Variants in SEZ6L2 observed in about 807,000 individuals in gnomAD.
SEZ6L2 encodes the protein seizure 6-like protein 2.
Under a neutral mutation model 97.0 loss-of-function variants are expected in SEZ6L2, and 44 were observed. That is an observed-to-expected ratio of 0.45 (90% CI 0.36 to 0.58). The LOEUF is 0.58. SEZ6L2 is among the 20% of genes least tolerant of loss of function. The pLI, the probability that SEZ6L2 is intolerant of heterozygous loss-of-function variation, is 0.00. For synonymous variants in SEZ6L2, 543 were observed against 546.1 expected, an observed-to-expected ratio of 0.99 and a Z score of 0.08; for missense variants, 1,086 against 1,233.3, an observed-to-expected ratio of 0.88 and a Z score of 1.79.
chr16:29,881,620 CTTTTTTTTT>C (rs59318540), intron 8 of SEZ6L2, among the ~76,000 whole-genome samples: 2 of 85,120 alleles, frequency 2.3e-5, no homozygotes, highest in Non-Finnish European at 2.1e-5. Flanking sequence ...ATGAGGAATT[CTTTTTTTTT>C]TTTTTTTTTT....
intron 5 of SEZ6L2, among the ~76,000 whole-genome samples, chr16:29,889,257 A>G (rs2068217088): frequency 6.6e-6 from 1 of 152,088 alleles, no homozygotes; most frequent in African/African-American, 2.4e-5. Flanking sequence ...CCTGGCCAAC[A>G]TGGTAAAACC....
At chr16:29,875,121 C>T (rs758731169) in intron 12 of SEZ6L2, among the ~76,000 whole-genome samples, 6 of 152,166 alleles carry the variant, frequency 3.9e-5, no homozygotes, top group Non-Finnish European at 7.3e-5. Context: ...GTGATCCTCC[C>T]ACCTTGGCCT....
chr16:29,896,696 T>A, intron 3 of SEZ6L2, 126 bp downstream of exon 3: 1 of 752,948 alleles, frequency 1.3e-6, no homozygotes, highest in Non-Finnish European at 2.2e-6. Flanking sequence ...AATGCTACCT[T>A]TGTTATTATT....
chr16:29,884,612 A>T (rs1175853980), intron 8 of SEZ6L2, among the ~76,000 whole-genome samples: 1 of 151,594 alleles, frequency 6.6e-6, no homozygotes, highest in Non-Finnish European at 1.5e-5. Context: ...AATAAATAAA[A>T]ATAAATAAAA....
At position 29,872,256 on chromosome 16, in the gene SEZ6L2, G is replaced by A. The variant is rs777333248; in HGVS notation, c.2673C>T (p.Phe891=). The A allele has an allele frequency of 1.9e-5, 31 of 1,612,382 alleles. No individual in the cohort carries two copies. Among genetic ancestry groups the A allele is most frequent in the African/African-American group, 1.3e-5 (1 of 74,848 alleles). ...TGGGGCTGTAGGAGTGGGAGCCCGA[G>A]AAGCCGAAAAGGGACTTTCCCTGAA... The part of the protein sequence containing the change: ...TKLQGKSLFG[F]SGSHSYSPIT... The change falls in exon 17 of 18, where the codon TTC becomes TTT. Residue 891 remains phenylalanine (F), a synonymous_variant. Transcript: ENST00000617533.
intron 8 of SEZ6L2, 27 bp downstream of exon 8, chr16:29,885,559 G>T (rs771233685): frequency 1.2e-6 from 2 of 1,603,176 alleles, no homozygotes; most frequent in East Asian, 2.2e-5. Flanking sequence ...TGGCGGTTGG[G>T]GTCCTGTGGG....
In SEZ6L2 at chr16:29,885,467, T is replaced by C; in HGVS notation, c.1372+119A>G. The C allele has an allele frequency of 2.7e-6, 3 of 1,130,366 alleles. No homozygotes were observed. The Admixed American group carries it at 6.4e-5, about 24-fold the overall frequency. 70.0% of individuals were successfully genotyped at this position (1,130,366 alleles called of 1,614,324 possible). ...TTTTGGGGCAGGGAAGCGAGTCACG[T>C]TTCAAGGAACCCAGCACGGAGATGA... On this transcript the variant is annotated intron_variant, in intron 8 of 17. Transcript: ENST00000617533.
Position 29,877,484 on chromosome 16 carries a change from C to G in SEZ6L2, c.1713-17G>C, listed in dbSNP as rs372027812. ...ACATTCAATCTGCAGGGGGTGAGAC[C>G]AGGCAATGGGGCGGGGCTGCGACTG... On this transcript the variant is annotated splice_polypyrimidine_tract_variant and intron_variant, in intron 10 of 17. Coordinates refer to ENST00000617533, the MANE Select transcript of SEZ6L2 (RefSeq NM_001243332.2). The G allele has an allele frequency of 2.4e-4, 382 of 1,563,214 alleles. No individual in the cohort carries two copies. The highest frequency in any genetic ancestry group is 3.2e-4 in the Non-Finnish European group (372 of 1,153,358).
chr16:29,885,549 T>G (rs753214195), intron 8 of SEZ6L2, 37 bp downstream of exon 8: 7 of 1,596,782 alleles, frequency 4.4e-6, no homozygotes, highest in Middle Eastern at 1.7e-4. Flanking sequence ...GGGGAAGGTG[T>G]GGCGGTTGGG....
intron 7 of SEZ6L2, among the ~76,000 whole-genome samples, chr16:29,886,300 T>G (rs1596978784): frequency 6.6e-6 from 1 of 150,774 alleles, no homozygotes; most frequent in Non-Finnish European, 1.5e-5. Flanking sequence ...ATCTGGGAGG[T>G]GGAGGTTGCA....
intron 8 of SEZ6L2, among the ~76,000 whole-genome samples, chr16:29,880,665 T>A (rs1451797375): frequency 6.6e-6 from 1 of 151,548 alleles, no homozygotes; most frequent in East Asian, 2.0e-4. Flanking sequence ...CCATGTCGGC[T>A]AGGCTGGTCT....
rs556381122 is a variant in SEZ6L2, at chr16:29,873,037, C to T, written c.2488+203G>A. On this transcript the variant is annotated intron_variant, in intron 14 of 17. Coordinates refer to ENST00000617533, the MANE Select transcript of SEZ6L2 (RefSeq NM_001243332.2). The surrounding 1 kb of genome is among the most constrained non-coding windows in gnomAD (Gnocchi z 4.3). Reference sequence around the variant, plus strand: ...GAGCAAGGGACTTCCAAGCCAAGGCCCCCTCTACTACACCCCTGAGCCAAT... The same window carrying T: ...GAGCAAGGGACTTCCAAGCCAAGGCTCCCTCTACTACACCCCTGAGCCAAT... Among the ~76,000 whole-genome samples, 6 of 152,324 alleles carry T rather than the reference C, an allele frequency of 3.9e-5. No homozygotes were observed. The highest frequency in any genetic ancestry group is 3.9e-4 in the Admixed American group (6 of 15,302).
intron 5 of SEZ6L2, among the ~76,000 whole-genome samples, chr16:29,891,149 T>C (rs915558601): frequency 2.0e-5 from 3 of 151,674 alleles, no homozygotes; most frequent in Non-Finnish European, 4.4e-5. Context: ...ACCATGTTGG[T>C]CAGGCTGGTC....
Position 29,888,554 on chromosome 16 carries a change from G to A in SEZ6L2, c.1025C>T (p.Thr342Ile). The change falls in exon 6 of 18, where the codon ACC becomes ATC. Residue 342 changes from threonine (T) to isoleucine (I), a missense_variant. Transcript: ENST00000617533. ...NGTRPSWNGE[T>I]PSCMASCGGT... ...AGGAGACTCACCCATGCAGCTGGGG[G>A]TTTCACCGTTCCAGGATGGCCGGGT... 1.2e-6 allele frequency: 2 copies of A among 1,613,800 alleles called. No homozygotes were observed. The highest frequency in any genetic ancestry group is 1.7e-6 in the Non-Finnish European group (2 of 1,179,836).
intron 5 of SEZ6L2, among the ~76,000 whole-genome samples, chr16:29,890,781 C>T (rs1216274988): frequency 7.8e-6 from 1 of 127,728 alleles, no homozygotes; most frequent in African/African-American, 3.0e-5. Context: ...GAGGGTCTCA[C>T]TCTGTCACCC....
In SEZ6L2 at chr16:29,876,971, G is replaced by A; in HGVS notation, c.1910-21C>T. 6.3e-7 allele frequency: 1 copy of A among 1,581,974 alleles called. No individual in the cohort carries two copies. Among genetic ancestry groups the A allele is most frequent in the South Asian group, 1.1e-5 (1 of 89,930 alleles). On this transcript the variant is annotated intron_variant, in intron 11 of 17. Transcript: ENST00000617533. The surrounding 1 kb of genome is among the most constrained non-coding windows in gnomAD (Gnocchi z 6.5). ...GACCTCTGCAGGGGAGGGAAGGCGA[G>A]TTTGGAGGCTGCGTTTTAACTGCGG...
Position 29,871,633 on chromosome 16 carries a change from G to A in SEZ6L2, c.*66C>T, listed in dbSNP as rs1316772025. 51 of 1,521,116 alleles carry A rather than the reference G, an allele frequency of 3.4e-5. No individual in the cohort carries two copies. In the East Asian group the frequency reaches 4.5e-4, roughly 13 times the overall value. 94.2% of individuals were successfully genotyped at this position (1,521,116 alleles called of 1,614,324 possible). On this transcript the variant is annotated 3_prime_UTR_variant, in exon 18 of 18. Coordinates refer to ENST00000617533, the MANE Select transcript of SEZ6L2 (RefSeq NM_001243332.2). ...AGCCAGGAGGCAGAGACCGGGTCCC[G>A]TATTTCCCTCTGCCCGAATGAGGAG...
Position 29,899,106 on chromosome 16 carries a change from AATTG to A in SEZ6L2, c.-91_-88del. ...TCCGTCTCCGTTTATCTTTCCCTTTAATTGTTTTTTTTTTTTTTTTTTTTTTCCT... is the reference window on the plus strand; with the variant it reads ...TCCGTCTCCGTTTATCTTTCCCTTTATTTTTTTTTTTTTTTTTTTTTTCCT... On this transcript the variant is annotated 5_prime_UTR_variant, in exon 1 of 18. Coordinates refer to ENST00000617533, the MANE Select transcript of SEZ6L2 (RefSeq NM_001243332.2). The A allele has an allele frequency of 2.5e-6, 2 of 805,982 alleles. No homozygotes were observed. The highest frequency in any genetic ancestry group is 3.1e-5 in the East Asian group (1 of 31,934). 49.9% of individuals were successfully genotyped at this position (805,982 alleles called of 1,614,324 possible).
Position 29,871,383 on chromosome 16 carries a change from C to T in SEZ6L2, c.*316G>A, listed in dbSNP as rs978878356. The T allele has an allele frequency of 2.1e-4, 102 of 492,784 alleles. No homozygotes were observed. The highest frequency in any genetic ancestry group is 1.1e-3 in the Middle Eastern group (2 of 1,778). The allele number at this position is 492,784 out of a possible 1,614,324, so 30.5% of individuals were successfully genotyped here. Reference sequence around the variant, plus strand: ...AACAGTAGAGCTATCGGGGGCAGTCCTTGAGGGGTGCCCTGGGCAGGAGGG... The same window carrying T: ...AACAGTAGAGCTATCGGGGGCAGTCTTTGAGGGGTGCCCTGGGCAGGAGGG... On this transcript the variant is annotated 3_prime_UTR_variant, in exon 18 of 18. Coordinates refer to ENST00000617533, the MANE Select transcript of SEZ6L2 (RefSeq NM_001243332.2).
Sources: gnomAD v4.1 joint callset for allele counts (sites outside exome capture counted in the v4.1 genomes callset) on GRCh38, gnomAD v4.1.1 for gene constraint, Gnocchi (gnomAD v3.1) non-coding constraint, MANE v1.5 for transcripts, NCBI Gene and HGNC (gene_info 2026-07-23, HGNC 2026-07-21) for gene names.